The following KIF6 variants were observed in gnomAD, a reference collection of about 807,000 sequenced individuals.
KIF6 encodes the protein kinesin-like protein KIF6.
In KIF6, 106 loss-of-function variants were observed where a neutral mutation model predicts 112.7. The observed-to-expected ratio is 0.94, with a 90% CI of 0.80 to 1.11. KIF6 has a LOEUF of 1.11. KIF6 is among the 50% of genes least tolerant of loss of function. The probability of loss-of-function intolerance (pLI) is 0.00; values close to 1 mark genes in which losing one functional copy is unlikely to be tolerated. For synonymous variants in KIF6, 339 were observed against 339.9 expected (o/e 1.00, Z 0.03); for missense variants, 929 against 964.0 (o/e 0.96, Z 0.48).
intron 22 of KIF6, among the ~76,000 whole-genome samples, chr6:39,338,835 G>A (rs559927150): frequency 6.6e-6 from 1 of 152,232 alleles, no homozygotes; most frequent in South Asian, 2.1e-4. Flanking sequence ...TTGAAATGCA[G>A]CCTGGGCCAG....
chr6:39,362,957 T>C (rs1765276870), intron 16 of KIF6, among the ~76,000 whole-genome samples: 1 of 152,188 alleles, frequency 6.6e-6, no homozygotes, highest in Non-Finnish European at 1.5e-5. Context: ...GAGACTGGCC[T>C]GGCCAACATG....
In KIF6 at chr6:39,560,292, T is replaced by C. The variant is rs78973627; in HGVS notation, c.1182-14604A>G. On this transcript the variant is annotated intron_variant, in intron 10 of 22. Transcript: ENST00000287152. The stretch of plus-strand genomic sequence containing the variant: ...CAGCATCTAAATGTTTCCCCACTAA[T>C]AATATACTACATTTTCAATTGATTT... 9.3e-3 allele frequency among the ~76,000 whole-genome samples: 1,421 copies of C among 152,330 alleles called. 30 individuals carry two copies. The highest frequency in any genetic ancestry group is 0.032 in the African/African-American group (1,324 of 41,592).
chr6:39,567,751 G>C (rs907950628), intron 10 of KIF6, among the ~76,000 whole-genome samples: 3 of 152,086 alleles, frequency 2.0e-5, no homozygotes, highest in African/African-American at 7.2e-5. Context: ...GGGACTACAG[G>C]CACCCACCAC....
intron 16 of KIF6, among the ~76,000 whole-genome samples, chr6:39,370,569 G>A (rs555978212): frequency 6.6e-6 from 1 of 152,184 alleles, no homozygotes; most frequent in Non-Finnish European, 1.5e-5. Context: ...CAGTAGAACT[G>A]GCACATTTTC....
chr6:39,674,522 T>C (rs1787022942), intron 3 of KIF6, among the ~76,000 whole-genome samples: 1 of 151,786 alleles, frequency 6.6e-6, no homozygotes. Context: ...ACTTAAGAAA[T>C]ATGGGCTGAA....
chr6:39,521,867 G>T (rs1777419780), intron 13 of KIF6, among the ~76,000 whole-genome samples: 1 of 152,148 alleles, frequency 6.6e-6, no homozygotes, highest in Non-Finnish European at 1.5e-5. Context: ...ATCTTACCAT[G>T]ACTTTTATCC....
At chr6:39,392,687 G>T (rs1370589425) in intron 15 of KIF6, among the ~76,000 whole-genome samples, 3 of 152,174 alleles carry the variant, frequency 2.0e-5, no homozygotes, top group Non-Finnish European at 4.4e-5. Flanking sequence ...GTGAATTAGT[G>T]AATTGGAAGA....
intron 19 of KIF6, among the ~76,000 whole-genome samples, chr6:39,351,121 G>A (rs2150237147): frequency 6.6e-6 from 1 of 150,726 alleles, no homozygotes. Context: ...TTTTGGAAAA[G>A]CTCCTGTGGG....
At chr6:39,576,556 G>A (rs1780984899) in intron 10 of KIF6, among the ~76,000 whole-genome samples, 1 of 152,200 alleles carries the variant, frequency 6.6e-6, no homozygotes, top group Admixed American at 6.5e-5. Flanking sequence ...GTGGAAGACT[G>A]AAAGGGGGAC....
rs115541099 is a variant in KIF6 at position 39,713,607 on chromosome 6, A to G, written c.251+1085T>C. ...AGGAAGTTTAAAAATAAAACACACG[A>G]AACTAGCTATCTGAAAAATGACACA... On this transcript the variant is annotated intron_variant, in intron 3 of 22. Coordinates refer to ENST00000287152, the MANE Select transcript of KIF6 (RefSeq NM_145027.6). 4.7e-3 allele frequency among the ~76,000 whole-genome samples: 722 copies of G among 152,340 alleles called. 5 individuals are homozygous for G. The highest frequency in any genetic ancestry group is 7.7e-3 in the Non-Finnish European group (523 of 68,040).
At chr6:39,346,071 T>A (rs1335018339) in intron 20 of KIF6, among the ~76,000 whole-genome samples, 1 of 19,708 alleles carries the variant, frequency 5.1e-5, no homozygotes. Flanking sequence ...TCTCTCTCTC[T>A]CTCTCTCTCT....
At chr6:39,449,767 T>C (rs1182890318) in intron 13 of KIF6, among the ~76,000 whole-genome samples, 7 of 152,190 alleles carry the variant, frequency 4.6e-5, no homozygotes, top group Non-Finnish European at 1.0e-4. Flanking sequence ...AGGTACCAGA[T>C]TGGCACACCT....
chr6:39,381,754 G>A (rs721755), intron 16 of KIF6, among the ~76,000 whole-genome samples: 123,932 of 152,132 alleles, frequency 0.81, 51,152 homozygotes, highest in African/African-American at 0.96. Flanking sequence ...GGGAGATGTT[G>A]ACACTTCTTC....
At chr6:39,669,370 T>C (rs1474977235) in intron 3 of KIF6, among the ~76,000 whole-genome samples, 1 of 152,234 alleles carries the variant, frequency 6.6e-6, no homozygotes. Context: ...TTTTCTGTGT[T>C]ATGCAAAGCA....
chr6:39,383,538 T>C (rs1205506104), intron 16 of KIF6, among the ~76,000 whole-genome samples: 1 of 152,246 alleles, frequency 6.6e-6, no homozygotes, highest in Non-Finnish European at 1.5e-5. Flanking sequence ...TGTGTACTAA[T>C]ACCGTACTGT....
intron 3 of KIF6, among the ~76,000 whole-genome samples, chr6:39,703,864 A>T (rs1041547850): frequency 2.6e-5 from 4 of 152,212 alleles, no homozygotes; most frequent in African/African-American, 4.8e-5. Flanking sequence ...ATCAATCACT[A>T]CACATTTGTA....
intron 3 of KIF6, among the ~76,000 whole-genome samples, chr6:39,705,159 G>C (rs943423011): frequency 2.0e-5 from 3 of 152,198 alleles, no homozygotes; most frequent in African/African-American, 7.2e-5. Flanking sequence ...TGTAGGCCTA[G>C]GTGAGTGAAT....
intron 13 of KIF6, among the ~76,000 whole-genome samples, chr6:39,525,497 G>A (rs1777665019): frequency 6.6e-6 from 1 of 152,164 alleles, no homozygotes; most frequent in Non-Finnish European, 1.5e-5. Context: ...GCTCATGCCT[G>A]TACTCCCAGC....
At chr6:39,652,245 T>C (rs1785509923) in intron 3 of KIF6, among the ~76,000 whole-genome samples, 1 of 152,096 alleles carries the variant, frequency 6.6e-6, no homozygotes, top group Non-Finnish European at 1.5e-5. Context: ...AAATCTTTAG[T>C]CTTGCCAGGT....
Sources: gnomAD v4.1 joint callset for allele counts (sites outside exome capture counted in the v4.1 genomes callset) on GRCh38, gnomAD v4.1.1 for gene constraint, MANE v1.5 for transcripts, NCBI Gene and HGNC (gene_info 2026-07-23, HGNC 2026-07-21) for gene names.